The following GHR variants were observed in gnomAD, a reference collection of about 807,000 sequenced individuals.
GHR encodes growth hormone receptor, also known as GH receptor.
A neutral mutation model predicts 67.1 loss-of-function variants in GHR; 35 were observed. That is an observed-to-expected ratio of 0.52 (90% CI 0.40 to 0.69). The LOEUF is 0.69. Among genes scored for constraint, GHR ranks in the 30% least tolerant of loss-of-function variants. GHR has a pLI of 0.00. For synonymous variants in GHR, 272 were observed against 269.1 expected (o/e 1.01, Z -0.10); for missense variants, 792 against 764.6 (o/e 1.04, Z -0.42).
At chr5:42,445,767 A>G (rs75621573) in intron 1 of GHR, among the ~76,000 whole-genome samples, 3,206 of 152,334 alleles carry the variant, frequency 0.021, 59 homozygotes, top group Middle Eastern at 0.058. Flanking sequence ...CTGACTTGTT[A>G]AGCTCAGTAT....
chr5:42,604,225 C>G (rs1394381512), intron 2 of GHR, among the ~76,000 whole-genome samples: 1 of 152,164 alleles, frequency 6.6e-6, no homozygotes, highest in African/African-American at 2.4e-5. Context: ...TAGAAGCTCT[C>G]TAAATCCTGT....
chr5:42,693,086 C>CT (rs1354383266), intron 4 of GHR, among the ~76,000 whole-genome samples: 4 of 151,962 alleles, frequency 2.6e-5, no homozygotes, highest in African/African-American at 9.7e-5. Flanking sequence ...TTTCTTCTGC[C>CT]TTTTGCCCAT....
At chr5:42,643,507 A>G (rs1754580470) in intron 3 of GHR, among the ~76,000 whole-genome samples, 1 of 152,122 alleles carries the variant, frequency 6.6e-6, no homozygotes, top group African/African-American at 2.4e-5. Flanking sequence ...GTGTCTAAAC[A>G]CTAAGATTGT....
chr5:42,498,170 T>G (rs535701975), intron 1 of GHR, among the ~76,000 whole-genome samples: 2 of 152,340 alleles, frequency 1.3e-5, no homozygotes, highest in South Asian at 2.1e-4. Flanking sequence ...TTCCTGCTGC[T>G]CAGCTTAAAG....
Position 42,532,348 on chromosome 5 carries a change from TGATAGATA to T in GHR, c.-11-33496_-11-33489del, listed in dbSNP as rs35216564. 2.6e-4 allele frequency among the ~76,000 whole-genome samples: 39 copies of T among 151,328 alleles called. 1 individual carries two copies. Among genetic ancestry groups the T allele is most frequent in the South Asian group, 8.3e-4 (4 of 4,794 alleles). ...TAGATTTGGAGGTCTTTGATATAGA[TGATAGATA>T]GATAGATAGATAGATAGATGAAATA... On this transcript the variant is annotated intron_variant, in intron 1 of 9. Transcript: ENST00000230882.
At chr5:42,428,738 C>T (rs933034500) in intron 1 of GHR, among the ~76,000 whole-genome samples, 7 of 152,166 alleles carry the variant, frequency 4.6e-5, no homozygotes, top group Admixed American at 4.6e-4. Context: ...CAAGAGTCAC[C>T]TTTGCTCCAG....
chr5:42,439,652 G>C (rs763081593), intron 1 of GHR, among the ~76,000 whole-genome samples: 2 of 152,234 alleles, frequency 1.3e-5, no homozygotes, highest in East Asian at 1.9e-4. Flanking sequence ...TACATGTCTA[G>C]GTACTGAATT....
At chr5:42,701,266 T>C (rs2111748374) in intron 6 of GHR, among the ~76,000 whole-genome samples, 1 of 152,316 alleles carries the variant, frequency 6.6e-6, no homozygotes, top group East Asian at 1.9e-4. Context: ...CTAATAGTCA[T>C]GCACTCCCAA....
At chr5:42,704,190 G>A (rs1758065864) in intron 6 of GHR, among the ~76,000 whole-genome samples, 1 of 151,950 alleles carries the variant, frequency 6.6e-6, no homozygotes, top group African/African-American at 2.4e-5. Flanking sequence ...TATGATGTGA[G>A]TTTGTTATAT....
rs984431226 is a variant in GHR at position 42,718,993 on chromosome 5, G to A, written c.1486G>A (p.Ala496Thr). ...TGCCCAGGTGAGCGACATTACACCA[G>A]CAGGTAGTGTGGTCCTTTCCCCGGG... ...FYAQVSDITP[A>T]GSVVLSPGQK... Residue 496 changes from alanine (A) to threonine (T), a missense_variant, in exon 10 of 10, where the codon GCA becomes ACA. Coordinates refer to ENST00000230882, the MANE Select transcript of GHR (RefSeq NM_000163.5). The A allele has an allele frequency of 1.4e-5, 23 of 1,609,852 alleles. No homozygotes were observed. In the Admixed American group the frequency reaches 1.8e-4, roughly 13 times the overall value.
intron 5 of GHR, among the ~76,000 whole-genome samples, chr5:42,699,277 A>G (rs746825495): frequency 4.6e-5 from 7 of 152,204 alleles, no homozygotes; most frequent in Non-Finnish European, 1.0e-4. Context: ...ATTCTGTTAT[A>G]TCTTGAAAGT....
chr5:42,479,744 T>A (rs1428890663), intron 1 of GHR, among the ~76,000 whole-genome samples: 1 of 152,320 alleles, frequency 6.6e-6, no homozygotes, highest in South Asian at 2.1e-4. Flanking sequence ...CCCTTTATCA[T>A]TTTTTATTGC....
chr5:42,672,442 A>T (rs1341504494), intron 3 of GHR, among the ~76,000 whole-genome samples: 1 of 152,192 alleles, frequency 6.6e-6, no homozygotes, highest in African/African-American at 2.4e-5. Context: ...CTAACCAAGG[A>T]GATGAAAGAT....
intron 2 of GHR, among the ~76,000 whole-genome samples, chr5:42,567,438 G>T (rs1227213501): frequency 6.6e-6 from 1 of 152,064 alleles, no homozygotes; most frequent in Non-Finnish European, 1.5e-5. Context: ...TGCTTTTAAT[G>T]TTTGCTTTTT....
chr5:42,523,296 G>A (rs1390723431), intron 1 of GHR, among the ~76,000 whole-genome samples: 1 of 152,120 alleles, frequency 6.6e-6, no homozygotes. Flanking sequence ...TCATTTTATT[G>A]TGATTTGCTT....
At chr5:42,479,118 C>A (rs1006329730) in intron 1 of GHR, among the ~76,000 whole-genome samples, 3 of 152,126 alleles carry the variant, frequency 2.0e-5, no homozygotes, top group African/African-American at 4.8e-5. Context: ...TTTACAAAGG[C>A]CTTTTCTGCG....
At position 42,423,611 on chromosome 5, in the gene GHR, C is replaced by A. The variant is rs540906490; in HGVS notation, c.-356C>A. 6.6e-6 allele frequency among the ~76,000 whole-genome samples: 1 copy of A among 152,306 alleles called. No homozygotes were observed. The highest frequency in any genetic ancestry group is 2.4e-5 in the African/African-American group (1 of 41,574). On this transcript the variant is annotated 5_prime_UTR_variant, in exon 1 of 10. Coordinates refer to ENST00000230882, the MANE Select transcript of GHR (RefSeq NM_000163.5). Reference sequence around the variant, plus strand: ...CAACCTGGATCTGGGGGACTGCGGGCCAGGCGCGGCGTGACCCCTGGTGAA... The same window carrying A: ...CAACCTGGATCTGGGGGACTGCGGGACAGGCGCGGCGTGACCCCTGGTGAA...
At chr5:42,461,186 T>C (rs1206172525) in intron 1 of GHR, among the ~76,000 whole-genome samples, 1 of 152,146 alleles carries the variant, frequency 6.6e-6, no homozygotes, top group African/African-American at 2.4e-5. Context: ...CCCCTTGTAA[T>C]AGTGGAGGGA....
chr5:42,566,031 T>C, intron 2 of GHR, 87 bp downstream of exon 2: 1 of 1,480,124 alleles, frequency 6.8e-7, no homozygotes, highest in Non-Finnish European at 9.4e-7. Flanking sequence ...TGGATGATTT[T>C]ATTAAAAGAT....
Sources: gnomAD v4.1 joint callset for allele counts (sites outside exome capture counted in the v4.1 genomes callset) on GRCh38, gnomAD v4.1.1 for gene constraint, MANE v1.5 for transcripts, NCBI Gene and HGNC (gene_info 2026-07-23, HGNC 2026-07-21) for gene names.